Variants in TMC1 observed in about 807,000 individuals in gnomAD.
The protein encoded by TMC1 is transmembrane channel-like protein 1.
In TMC1, 84 loss-of-function variants were observed where a neutral mutation model predicts 105.8. The observed-to-expected ratio is 0.79, with a 90% CI of 0.67 to 0.95. TMC1 has a LOEUF of 0.95. Among genes scored for constraint, TMC1 ranks in the 40% least tolerant of loss-of-function variants. The pLI, the probability that TMC1 is intolerant of heterozygous loss-of-function variation, is 0.00. For synonymous variants in TMC1, 315 were observed against 311.5 expected, an observed-to-expected ratio of 1.01 and a Z score of -0.12; for missense variants, 817 against 914.1, an observed-to-expected ratio of 0.89 and a Z score of 1.37.
chr9:72,696,341 C>T (rs190585794), intron 7 of TMC1, among the ~76,000 whole-genome samples: 26 of 152,256 alleles, frequency 1.7e-4, no homozygotes, highest in Non-Finnish European at 2.8e-4. Context: ...ACCCAACTCT[C>T]TCCATAGGTT....
At chr9:72,778,953 T>A (rs1163554544) in intron 13 of TMC1, among the ~76,000 whole-genome samples, 1 of 152,234 alleles carries the variant, frequency 6.6e-6, no homozygotes, top group South Asian at 2.1e-4. Context: ...CAGGTATGCA[T>A]GGACCCTGCT....
intron 1 of TMC1, among the ~76,000 whole-genome samples, chr9:72,574,498 T>C (rs1199090074): frequency 6.6e-6 from 1 of 152,194 alleles, no homozygotes; most frequent in Admixed American, 6.5e-5. Flanking sequence ...GATGATTCAG[T>C]TTCAATAAAT....
chr9:72,532,174 GCCT>G (rs1823507844), intron 1 of TMC1, among the ~76,000 whole-genome samples: 1 of 151,916 alleles, frequency 6.6e-6, no homozygotes, highest in Non-Finnish European at 1.5e-5. Flanking sequence ...CAGGTTATCT[GCCT>G]GCCTTGGCCT....
chr9:72,753,942 T>C (rs1362665792), intron 11 of TMC1, among the ~76,000 whole-genome samples: 1 of 152,154 alleles, frequency 6.6e-6, no homozygotes, highest in Admixed American at 6.5e-5. Context: ...AAAGGCCTAC[T>C]TTGGGAGGTT....
chr9:72,562,312 A>G (rs974488477), intron 1 of TMC1, among the ~76,000 whole-genome samples: 6 of 152,208 alleles, frequency 3.9e-5, no homozygotes, highest in African/African-American at 7.2e-5. Flanking sequence ...CTTTGTACGT[A>G]AAACATCCTA....
intron 21 of TMC1, among the ~76,000 whole-genome samples, chr9:72,828,816 G>A (rs756194012): frequency 2.0e-5 from 3 of 152,222 alleles, no homozygotes; most frequent in African/African-American, 7.2e-5. Context: ...CCACTTGTCC[G>A]AGGTGGTATA....
chr9:72,650,901 T>TATATATATATATATAA (rs1825800851), intron 5 of TMC1, among the ~76,000 whole-genome samples: 1 of 142,540 alleles, frequency 7.0e-6, no homozygotes, highest in Admixed American at 7.2e-5. Flanking sequence ...GATATATATA[T>TATATATATATATATAA]AAATATATAT....
intron 10 of TMC1, among the ~76,000 whole-genome samples, chr9:72,750,984 C>T (rs751209295): frequency 9.9e-5 from 15 of 152,198 alleles, no homozygotes; most frequent in Admixed American, 3.9e-4. Flanking sequence ...CTTCAGATCT[C>T]TGCTTAGATG....
chr9:72,602,197 T>C (rs763209818), intron 2 of TMC1, among the ~76,000 whole-genome samples: 7 of 152,022 alleles, frequency 4.6e-5, no homozygotes, highest in Non-Finnish European at 8.8e-5. Flanking sequence ...TTAATCCTCA[T>C]GGCAATGCTA....
intron 6 of TMC1, 86 bp from the exon 7 acceptor site, chr9:72,694,457 T>C: frequency 8.3e-7 from 1 of 1,201,320 alleles, no homozygotes; most frequent in Non-Finnish European, 1.2e-6. Context: ...AGATGTGTAA[T>C]AATAGTTATT....
chr9:72,597,460 G>A (rs1377843304), intron 2 of TMC1, among the ~76,000 whole-genome samples: 1 of 152,204 alleles, frequency 6.6e-6, no homozygotes, highest in Non-Finnish European at 1.5e-5. Flanking sequence ...ATTAGATTAA[G>A]GTTGAAGAGC....
At chr9:72,686,795 TG>T (rs903930392) in intron 5 of TMC1, among the ~76,000 whole-genome samples, 1 of 152,226 alleles carries the variant, frequency 6.6e-6, no homozygotes, top group African/African-American at 2.4e-5. Context: ...GAGGAGGGAC[TG>T]GGTCATTTCT....
At chr9:72,552,186 A>T (rs769316458) in intron 1 of TMC1, among the ~76,000 whole-genome samples, 4 of 152,168 alleles carry the variant, frequency 2.6e-5, no homozygotes, top group Non-Finnish European at 5.9e-5. Flanking sequence ...GCCAGGGAAG[A>T]GGAGATTGAA....
chr9:72,683,568 T>A (rs1390794550), intron 5 of TMC1, among the ~76,000 whole-genome samples: 2 of 150,828 alleles, frequency 1.3e-5, no homozygotes, highest in African/African-American at 2.4e-5. Context: ...TGGTCTGTCC[T>A]CCCTTTTCTC....
chr9:72,679,502 C>G (rs1465165425), intron 5 of TMC1, among the ~76,000 whole-genome samples: 2 of 152,024 alleles, frequency 1.3e-5, no homozygotes, highest in Non-Finnish European at 2.9e-5. Flanking sequence ...AACAAAATAT[C>G]ATAGACTAGG....
intron 5 of TMC1, among the ~76,000 whole-genome samples, chr9:72,676,745 T>C (rs1471062125): frequency 6.6e-6 from 1 of 152,128 alleles, no homozygotes; most frequent in Non-Finnish European, 1.5e-5. Flanking sequence ...AAGTCCTTCT[T>C]TCTTATTCGT....
intron 18 of TMC1, among the ~76,000 whole-genome samples, chr9:72,806,178 C>T (rs996889235): frequency 6.8e-6 from 1 of 147,206 alleles, no homozygotes; most frequent in Non-Finnish European, 1.5e-5. Context: ...GGGGGGCTGA[C>T]CCCCCACCTC....
chr9:72,786,369 G>A (rs142672312), intron 13 of TMC1, among the ~76,000 whole-genome samples: 9,206 of 152,182 alleles, frequency 0.06, 346 homozygotes, highest in Non-Finnish European at 0.085. Flanking sequence ...GCGTGATCCC[G>A]GGAGGCGGAG....
At chr9:72,558,927 A>G (rs74984448) in intron 1 of TMC1, among the ~76,000 whole-genome samples, 2 of 151,792 alleles carry the variant, frequency 1.3e-5, no homozygotes, top group African/African-American at 2.4e-5. Context: ...TTTTTTTGTT[A>G]TAAGAAATGC....
Sources: allele counts gnomAD v4.1 joint callset (sites outside exome capture counted in the v4.1 genomes callset), GRCh38; gene constraint gnomAD v4.1.1; transcripts MANE v1.5; gene names NCBI Gene and HGNC (gene_info 2026-07-23, HGNC 2026-07-21).